SMOC1: variants seen among roughly 807,000 people sequenced by gnomAD.
SMOC1 encodes the protein SPARC related modular calcium binding 1, also known as SPARC-related modular calcium-binding protein 1.
SMOC1 carries 22 observed loss-of-function variants against 56.3 expected under a neutral mutation model. That is an observed-to-expected ratio of 0.39 (90% CI 0.28 to 0.56). The LOEUF is 0.56. SMOC1 is among the 20% of genes least tolerant of loss of function. The pLI is 0.61. For missense variants in SMOC1, 509 were observed against 565.4 expected, an observed-to-expected ratio of 0.90 and a Z score of 1.01; for synonymous variants, 193 against 215.0, an observed-to-expected ratio of 0.90 and a Z score of 0.89.
chr14:69,940,407 T>A (rs1358557537), intron 1 of SMOC1, among the ~76,000 whole-genome samples: 1 of 152,228 alleles, frequency 6.6e-6, no homozygotes, highest in Non-Finnish European at 1.5e-5. Flanking sequence ...TTCTTAGTAA[T>A]GCTCAATGAA....
intron 1 of SMOC1, among the ~76,000 whole-genome samples, chr14:69,900,041 AT>A (rs1884202246): frequency 6.6e-6 from 1 of 152,316 alleles, no homozygotes; most frequent in South Asian, 2.1e-4. Context: ...CATACTCGCC[AT>A]ACCCATTTCT....
chr14:69,997,032 A>G (rs1174588083), intron 7 of SMOC1, among the ~76,000 whole-genome samples: 2 of 152,224 alleles, frequency 1.3e-5, no homozygotes, highest in African/African-American at 2.4e-5. Context: ...CAGACCCTGT[A>G]TGGCCTGCAA....
chr14:69,927,483 C>G (rs1885041586), intron 1 of SMOC1, among the ~76,000 whole-genome samples: 1 of 152,134 alleles, frequency 6.6e-6, no homozygotes, highest in Non-Finnish European at 1.5e-5. Flanking sequence ...GAGTTTGAGA[C>G]CAGCCTGGGC....
At chr14:69,980,223 C>T (rs188010632) in intron 5 of SMOC1, among the ~76,000 whole-genome samples, 167 of 152,178 alleles carry the variant, frequency 1.1e-3, no homozygotes, top group Non-Finnish European at 1.7e-3. Context: ...CCTCCAGGGG[C>T]GATGCAGGAA....
chr14:69,980,889 C>T (rs951647782), intron 5 of SMOC1, among the ~76,000 whole-genome samples: 4 of 152,100 alleles, frequency 2.6e-5, no homozygotes, highest in Admixed American at 2.0e-4. Flanking sequence ...GGACGGGACC[C>T]GGGACCCAGC....
chr14:70,005,965 G>A (rs552420955), intron 7 of SMOC1, among the ~76,000 whole-genome samples: 11 of 152,270 alleles, frequency 7.2e-5, no homozygotes, highest in African/African-American at 2.2e-4. Flanking sequence ...AATAGTGTGT[G>A]TTCACTTCTG....
intron 11 of SMOC1, among the ~76,000 whole-genome samples, chr14:70,028,637 C>T (rs1158082769): frequency 6.6e-6 from 1 of 152,216 alleles, no homozygotes; most frequent in East Asian, 1.9e-4. Context: ...GGCAGGACTG[C>T]TGTGCACCTC....
At chr14:70,000,573 C>A (rs56031625) in intron 7 of SMOC1, among the ~76,000 whole-genome samples, 13 of 152,030 alleles carry the variant, frequency 8.6e-5, no homozygotes, top group Non-Finnish European at 7.4e-5. Context: ...TGAGCGGGTG[C>A]GAGTCAGTGA....
intron 1 of SMOC1, among the ~76,000 whole-genome samples, chr14:69,907,820 G>T (rs1256806633): frequency 6.6e-6 from 1 of 152,152 alleles, no homozygotes; most frequent in African/African-American, 2.4e-5. Context: ...TATCTATAAG[G>T]TTCCTTATAG....
Position 69,977,580 on chromosome 14 carries a change from G to T in SMOC1, c.479-338G>T, listed in dbSNP as rs1217401371. On this transcript the variant is annotated intron_variant, in intron 4 of 11. Coordinates refer to ENST00000361956, the MANE Select transcript of SMOC1 (RefSeq NM_001034852.3). Reference sequence around the variant, plus strand: ...AACATGGAACTGGTGAGAAGTTGGGGAGATGGGGGTGTAAAGGTGAGGGGC... The same window carrying T: ...AACATGGAACTGGTGAGAAGTTGGGTAGATGGGGGTGTAAAGGTGAGGGGC... 2.0e-5 allele frequency among the ~76,000 whole-genome samples: 3 copies of T among 152,228 alleles called. No individual in the cohort carries two copies. The East Asian group carries it at 5.8e-4, about 29-fold the overall frequency.
At position 69,951,998 on chromosome 14, in the gene SMOC1, G is replaced by A. The variant is rs1274857511; in HGVS notation, c.100-140G>A. On this transcript the variant is annotated intron_variant, in intron 1 of 11. Coordinates refer to ENST00000361956, the MANE Select transcript of SMOC1 (RefSeq NM_001034852.3). ...CTTGGTTAGACTTTGTGGCTGCTCC[G>A]TTCCCTTCACCTTTAGGGTTTTATT... The A allele has an allele frequency of 2.2e-5, 20 of 926,404 alleles. 1 individual carries two copies. Among genetic ancestry groups the A allele is most frequent in the South Asian group, 8.6e-5 (6 of 69,564 alleles). 57.4% of individuals were successfully genotyped at this position (926,404 alleles called of 1,614,324 possible). A position where few individuals can be genotyped will look rare whatever the true frequency, so the allele number is the denominator to read the frequency against.
intron 1 of SMOC1, among the ~76,000 whole-genome samples, chr14:69,886,662 G>C (rs1473372401): frequency 6.6e-6 from 1 of 152,158 alleles, no homozygotes; most frequent in Non-Finnish European, 1.5e-5. Context: ...CTTCTAAACT[G>C]TTTCCTTCCA....
chr14:69,952,733 CTT>C, intron 2 of SMOC1, among the ~76,000 whole-genome samples: 1 of 152,290 alleles, frequency 6.6e-6, no homozygotes, highest in East Asian at 1.9e-4. Context: ...AAAAATCTGG[CTT>C]TTTGTCCTTC....
intron 7 of SMOC1, among the ~76,000 whole-genome samples, chr14:70,001,812 T>C (rs1884979323): frequency 6.6e-6 from 1 of 152,202 alleles, no homozygotes; most frequent in South Asian, 2.1e-4. Context: ...GTTACCTTAC[T>C]TTTACACGTA....
rs151126305 is a variant in SMOC1, at chr14:70,004,891, C to G, written c.665-5863C>G. Among the ~76,000 whole-genome samples the G allele has an allele frequency of 9.5e-4, 145 of 152,338 alleles. 5 individuals carry two copies. The East Asian group carries it at 0.022, about 24-fold the overall frequency. On this transcript the variant is annotated intron_variant, in intron 7 of 11. Coordinates refer to ENST00000361956, the MANE Select transcript of SMOC1 (RefSeq NM_001034852.3). ...ACCTTCTCTGTCTACTGTCTGCTCT[C>G]TCCACCCGTCTCCCCCTTTGACCTC... is the stretch of plus-strand genomic sequence containing the variant.
At chr14:70,022,627 G>A (rs777900625) in intron 10 of SMOC1, among the ~76,000 whole-genome samples, 1 of 152,228 alleles carries the variant, frequency 6.6e-6, no homozygotes, top group Non-Finnish European at 1.5e-5. Context: ...GTGATGGACC[G>A]TGGGAACCTC....
intron 1 of SMOC1, 37 bp from the exon 2 acceptor site, chr14:69,952,101 A>G (rs201513941): frequency 1.4e-5 from 23 of 1,613,278 alleles, no homozygotes; most frequent in Non-Finnish European, 1.9e-5. Flanking sequence ...TTCTTGCAAA[A>G]GTAACCTCTG....
At chr14:69,903,252 C>A (rs940508589) in intron 1 of SMOC1, among the ~76,000 whole-genome samples, 1 of 151,348 alleles carries the variant, frequency 6.6e-6, no homozygotes, top group Non-Finnish European at 1.5e-5. Context: ...ATGTGAGGAG[C>A]GCCTCTGCCC....
intron 1 of SMOC1, among the ~76,000 whole-genome samples, chr14:69,888,515 G>C (rs1460797088): frequency 6.6e-6 from 1 of 152,188 alleles, no homozygotes; most frequent in African/African-American, 2.4e-5. Flanking sequence ...CCCACCACCA[G>C]GGAGCACTGG....
Sources: allele counts gnomAD v4.1 joint callset (sites outside exome capture counted in the v4.1 genomes callset), GRCh38; gene constraint gnomAD v4.1.1; transcripts MANE v1.5; gene names NCBI Gene and HGNC (gene_info 2026-07-23, HGNC 2026-07-21).